ROBO1: variants seen among roughly 807,000 people sequenced by gnomAD.
ROBO1 encodes roundabout guidance receptor 1.
In ROBO1, 149 loss-of-function variants were observed where a neutral mutation model predicts 195.9. That is an observed-to-expected ratio of 0.76 (90% CI 0.67 to 0.87). The LOEUF (loss-of-function observed/expected upper bound fraction) is 0.87, where lower values mean the gene tolerates loss of function less well. Ranked by LOEUF, ROBO1 falls within the 40% of genes least tolerant of loss-of-function variation. The pLI is 0.00. For missense variants in ROBO1, 1,933 were observed against 2,068.3 expected (o/e 0.93, Z 1.27); for synonymous variants, 816 against 733.2 (o/e 1.11, Z -1.82).
chr3:79,214,483 G>A, intron 2 of ROBO1, among the ~76,000 whole-genome samples: 1 of 152,102 alleles, frequency 6.6e-6, no homozygotes, highest in South Asian at 2.1e-4. Flanking sequence ...TGGACATCAG[G>A]CAAGATGAAA....
At chr3:79,044,054 G>A (rs913208771) in intron 3 of ROBO1, among the ~76,000 whole-genome samples, 9 of 151,244 alleles carry the variant, frequency 6.0e-5, no homozygotes, top group African/African-American at 2.2e-4. Flanking sequence ...GCTTCCCTGG[G>A]CCACATTGGA....
In ROBO1 at chr3:78,957,681, T is replaced by A. The variant is rs2041120273; in HGVS notation, c.173-18754A>T. ...TCATGCCCTGTGTGATCCTTAGGAGTTAAAAGACTGGATATGGATTTAAAC... is the reference window on the plus strand; with the variant it reads ...TCATGCCCTGTGTGATCCTTAGGAGATAAAAGACTGGATATGGATTTAAAC... On this transcript the variant is annotated intron_variant, in intron 3 of 30. Coordinates refer to ENST00000464233, the MANE Select transcript of ROBO1 (RefSeq NM_002941.4). Among the ~76,000 whole-genome samples the A allele has an allele frequency of 3.3e-5, 5 of 152,212 alleles. No homozygotes were observed. The South Asian group carries it at 1.0e-3, about 32-fold the overall frequency.
intron 2 of ROBO1, among the ~76,000 whole-genome samples, chr3:79,584,656 CACACATACACGT>C (rs1441278242): frequency 1.4e-5 from 2 of 147,500 alleles, no homozygotes; most frequent in African/African-American, 5.1e-5. Flanking sequence ...TACACACACA[CACACATACACGT>C]ACACACATAC....
At position 78,688,634 on chromosome 3, in the gene ROBO1, G is replaced by T; in HGVS notation, c.1170+14C>A. On this transcript the variant is annotated intron_variant, in intron 9 of 30. Coordinates refer to ENST00000464233, the MANE Select transcript of ROBO1 (RefSeq NM_002941.4). ...TTGCTGATTTAAAAAAAAAAAGTTA[G>T]AAAAAGGTGGTACCTGACTCCCTTC... 1.0e-5 allele frequency: 16 copies of T among 1,554,358 alleles called. No homozygotes were observed. The highest frequency in any genetic ancestry group is 2.3e-5 in the East Asian group (1 of 43,630).
intron 4 of ROBO1, among the ~76,000 whole-genome samples, chr3:78,899,822 CAAAT>C (rs2037476957): frequency 6.6e-6 from 1 of 152,024 alleles, no homozygotes; most frequent in African/African-American, 2.4e-5. Context: ...CACATCCTGT[CAAAT>C]AAAGGCAACT....
chr3:78,875,440 G>A (rs893680792), intron 4 of ROBO1, among the ~76,000 whole-genome samples: 5 of 151,834 alleles, frequency 3.3e-5, no homozygotes, highest in African/African-American at 4.8e-5. Context: ...GTCTGGGATC[G>A]TGACATTATA....
chr3:78,784,052 A>G (rs1168694765), intron 4 of ROBO1, among the ~76,000 whole-genome samples: 2 of 152,188 alleles, frequency 1.3e-5, no homozygotes, highest in African/African-American at 4.8e-5. Context: ...CTACGCAGAA[A>G]AAAAAGACAT....
chr3:79,120,356 A>C (rs2108558998), intron 3 of ROBO1, among the ~76,000 whole-genome samples: 1 of 152,324 alleles, frequency 6.6e-6, no homozygotes, highest in East Asian at 1.9e-4. Context: ...TGAAATAAAT[A>C]GTTCTCCAGG....
At chr3:79,127,568 C>G (rs1454730411) in intron 2 of ROBO1, among the ~76,000 whole-genome samples, 1 of 152,198 alleles carries the variant, frequency 6.6e-6, no homozygotes, top group Admixed American at 6.6e-5. Flanking sequence ...GTTACAAATA[C>G]TATACAGATT....
intron 2 of ROBO1, among the ~76,000 whole-genome samples, chr3:79,189,394 GT>G (rs1434339681): frequency 2.6e-5 from 4 of 151,872 alleles, no homozygotes; most frequent in African/African-American, 9.6e-5. Flanking sequence ...AAAGGAGTAA[GT>G]ATAAGCAGAA....
At chr3:78,687,728 G>T (rs2081082486) in intron 9 of ROBO1, among the ~76,000 whole-genome samples, 1 of 152,146 alleles carries the variant, frequency 6.6e-6, no homozygotes, top group South Asian at 2.1e-4. Flanking sequence ...GGGCTCAAGT[G>T]ATCCTCCTGC....
At chr3:78,836,604 A>G (rs746423741) in intron 4 of ROBO1, among the ~76,000 whole-genome samples, 11 of 152,206 alleles carry the variant, frequency 7.2e-5, no homozygotes, top group Non-Finnish European at 1.6e-4. Context: ...GATTATAATA[A>G]TAAGAAGAAT....
intron 4 of ROBO1, among the ~76,000 whole-genome samples, chr3:78,889,010 C>T (rs768465856): frequency 6.6e-6 from 1 of 152,084 alleles, no homozygotes; most frequent in Non-Finnish European, 1.5e-5. Context: ...CAAGATGATG[C>T]CTTCTGTAGA....
intron 2 of ROBO1, among the ~76,000 whole-genome samples, chr3:79,180,886 C>T (rs1215296143): frequency 1.3e-5 from 2 of 152,126 alleles, no homozygotes; most frequent in Non-Finnish European, 2.9e-5. Context: ...CAGTGATTTC[C>T]ATTCAGAACG....
intron 1 of ROBO1, among the ~76,000 whole-genome samples, chr3:79,609,313 C>A (rs1215821610): frequency 1.3e-5 from 2 of 151,686 alleles, no homozygotes; most frequent in African/African-American, 4.8e-5. Flanking sequence ...ACTACCATTT[C>A]ACTCCTATTA....
chr3:78,680,312 A>C (rs1476404720), intron 10 of ROBO1, among the ~76,000 whole-genome samples: 3 of 152,326 alleles, frequency 2.0e-5, no homozygotes, highest in Admixed American at 1.3e-4. Flanking sequence ...CAATGGCAAC[A>C]AAAGTCAAAA....
chr3:79,465,129 T>A (rs573022044), intron 2 of ROBO1, among the ~76,000 whole-genome samples: 2 of 152,222 alleles, frequency 1.3e-5, no homozygotes, highest in Non-Finnish European at 2.9e-5. Context: ...CCTGTTGTAT[T>A]GCATAAACAT....
At chr3:79,603,594 C>T (rs1300404808) in intron 1 of ROBO1, among the ~76,000 whole-genome samples, 1 of 151,952 alleles carries the variant, frequency 6.6e-6, no homozygotes, top group Non-Finnish European at 1.5e-5. Flanking sequence ...GAATCCCTCT[C>T]TCACCAACAA....
chr3:79,107,512 G>T (rs928587040), intron 3 of ROBO1, among the ~76,000 whole-genome samples: 2 of 151,696 alleles, frequency 1.3e-5, no homozygotes, highest in Non-Finnish European at 1.5e-5. Flanking sequence ...CAATCTTGAT[G>T]AAATTTTACA....
Sources: gnomAD v4.1 joint callset for allele counts (sites outside exome capture counted in the v4.1 genomes callset) on GRCh38, gnomAD v4.1.1 for gene constraint, MANE v1.5 for transcripts, NCBI Gene and HGNC (gene_info 2026-07-23, HGNC 2026-07-21) for gene names.